KCNG1: variants seen among roughly 807,000 people sequenced by gnomAD.
KCNG1 encodes the protein potassium voltage-gated channel modifier subfamily G member 1, also known as voltage-gated potassium channel regulatory subunit KCNG1.
A neutral mutation model predicts 32.4 loss-of-function variants in KCNG1; 17 were observed. The observed-to-expected ratio is 0.52, with a 90% CI of 0.36 to 0.79. KCNG1 has a LOEUF of 0.79. Ranked by LOEUF, KCNG1 falls within the 30% of genes least tolerant of loss-of-function variation. The pLI, the probability that KCNG1 is intolerant of heterozygous loss-of-function variation, is 0.00. For synonymous variants in KCNG1, 358 were observed against 339.9 expected (o/e 1.05, Z -0.59); for missense variants, 441 against 735.2 (o/e 0.60, Z 4.63).
intron 1 of KCNG1, among the ~76,000 whole-genome samples, chr20:51,022,408 A>G (rs1353522071): frequency 1.3e-5 from 2 of 152,144 alleles, no homozygotes; most frequent in African/African-American, 4.8e-5. Context: ...TGTGTTCATA[A>G]TGAATGACTC....
chr20:51,008,785 C>T (rs1987939050), intron 2 of KCNG1, among the ~76,000 whole-genome samples: 1 of 152,156 alleles, frequency 6.6e-6, no homozygotes. Context: ...CCCCAAGCTG[C>T]CACGTGGACA....
chr20:51,008,711 C>A (rs528541723), intron 2 of KCNG1, among the ~76,000 whole-genome samples: 1 of 151,966 alleles, frequency 6.6e-6, no homozygotes, highest in Non-Finnish European at 1.5e-5. Flanking sequence ...TGTTGGCAAC[C>A]AAGTCAAATT....
chr20:51,004,866 GA>G lies in KCNG1; in HGVS notation c.775-61del, dbSNP rs1987767123. The G allele has an allele frequency of 6.9e-7, 1 of 1,449,264 alleles. No homozygotes were observed. The highest frequency in any genetic ancestry group is 2.5e-5 in the East Asian group (1 of 40,266). The allele number at this position is 1,449,264 out of a possible 1,614,324, so 89.8% of individuals were successfully genotyped here. ...GCGGGCCCTCCAGGAAAGGAGGGCAGAAGCTCTGCCCTGTGCCCTGCTGGGC... is the reference window on the plus strand; with the variant it reads ...GCGGGCCCTCCAGGAAAGGAGGGCAGAGCTCTGCCCTGTGCCCTGCTGGGC... On this transcript the variant is annotated intron_variant, in intron 2 of 2. Transcript: ENST00000371571. This position sits in a 1 kb window ranked among gnomAD's most constrained non-coding sequence, Gnocchi z 4.3.
intron 1 of KCNG1, among the ~76,000 whole-genome samples, chr20:51,021,437 A>G (rs6096232): frequency 0.09 from 13,733 of 152,218 alleles, 805 homozygotes; most frequent in East Asian, 0.22. Context: ...CAAGGCCCCA[A>G]TCAGCAGTGC....
chr20:51,010,379 G>A lies in KCNG1; in HGVS notation c.-26-15C>T, dbSNP rs747276803. 4.2e-5 allele frequency: 62 copies of A among 1,485,174 alleles called. No homozygotes were observed. The highest frequency in any genetic ancestry group is 9.8e-5 in the African/African-American group (7 of 71,280). 92.0% of individuals were successfully genotyped at this position (1,485,174 alleles called of 1,614,324 possible). On this transcript the variant is annotated splice_polypyrimidine_tract_variant and intron_variant, in intron 1 of 2. Transcript: ENST00000371571. ...CCCTCTCGGGCCTGTGGGGAGAAGGGAGGGAAGACCCTCAGTGACCACCCC... is the reference window on the plus strand; with the variant it reads ...CCCTCTCGGGCCTGTGGGGAGAAGGAAGGGAAGACCCTCAGTGACCACCCC...
At chr20:51,013,925 C>T (rs964871057) in intron 1 of KCNG1, 1 of 152,226 alleles carries the variant, frequency 6.6e-6, no homozygotes, top group Non-Finnish European at 1.5e-5. Context: ...ATGCCTCACA[C>T]AAGCCCTGGA....
chr20:51,013,642 G>T (rs555751143), intron 1 of KCNG1: 1 of 152,286 alleles, frequency 6.6e-6, no homozygotes, highest in South Asian at 2.1e-4. Flanking sequence ...TACAATTGCA[G>T]AGATCAGGGT....
In KCNG1 at chr20:51,004,600, C is replaced by T. The variant is rs774257590; in HGVS notation, c.981G>A (p.Lys327=). 2 of 1,581,732 alleles carry T rather than the reference C, an allele frequency of 1.3e-6. No homozygotes were observed. Among genetic ancestry groups the T allele is most frequent in the East Asian group, 2.3e-5 (1 of 43,122 alleles). The change falls in exon 3 of 3, where the codon AAG becomes AAA. Residue 327 remains lysine, a synonymous_variant. Coordinates refer to ENST00000371571, the MANE Select transcript of KCNG1 (RefSeq NM_002237.4). The surrounding 1 kb of genome is among the most constrained non-coding windows in gnomAD (Gnocchi z 4.3). ...LVDGAAAGRR[K]PGAGNSYLDK... The stretch of plus-strand genomic sequence containing the variant: ...CCAGGTAGCTGTTGCCCGCGCCGGG[C>T]TTGCGACGGCCTGCGGCGGCGCCGT...
rs1274126716 is a variant in KCNG1 at position 51,003,937 on chromosome 20, A to G, written c.*102T>C. On this transcript the variant is annotated 3_prime_UTR_variant, in exon 3 of 3. Transcript: ENST00000371571. ...GGTGCGTGGGAGTCGGTGCTGCGCC[A>G]GGACTGCACTCGGAAGCGGCCTGTC... 7.5e-7 allele frequency: 1 copy of G among 1,340,124 alleles called. No individual in the cohort carries two copies. The highest frequency in any genetic ancestry group is 1.4e-5 in the African/African-American group (1 of 69,462). The allele number at this position is 1,340,124 out of a possible 1,614,324, so 83.0% of individuals were successfully genotyped here. A position where few individuals can be genotyped will look rare whatever the true frequency, so the allele number is the denominator to read the frequency against.
rs59764854 is a variant in KCNG1, at chr20:51,021,160, G to C, written c.-27+1710C>G. On this transcript the variant is annotated intron_variant, in intron 1 of 2. Coordinates refer to ENST00000371571, the MANE Select transcript of KCNG1 (RefSeq NM_002237.4). ...GAACCTAGGTTGCCTCGTTTCCAGTGTGCTTGCAGTTCCCTGCAGGTTAGG... is the reference window on the plus strand; with the variant it reads ...GAACCTAGGTTGCCTCGTTTCCAGTCTGCTTGCAGTTCCCTGCAGGTTAGG... Among the ~76,000 whole-genome samples the C allele has an allele frequency of 4.1e-3, 632 of 152,358 alleles. 5 individuals carry two copies. Among genetic ancestry groups the C allele is most frequent in the African/African-American group, 0.013 (549 of 41,578 alleles).
intron 2 of KCNG1, among the ~76,000 whole-genome samples, chr20:51,008,197 C>T (rs1234293642): frequency 1.3e-5 from 2 of 152,218 alleles, no homozygotes; most frequent in African/African-American, 4.8e-5. Flanking sequence ...GGCCCATGAT[C>T]TCATACACAA....
At position 51,005,976 on chromosome 20, in the gene KCNG1, C is replaced by T. The variant is rs1054889842; in HGVS notation, c.775-1170G>A. On this transcript the variant is annotated intron_variant, in intron 2 of 2. Transcript: ENST00000371571. The surrounding 1 kb of genome is among the most constrained non-coding windows in gnomAD (Gnocchi z 4.0). ...CTTCCTCTGGGAAGCTTTCCTGGAG[C>T]GTGCCCCACTAAGTAGCTCCAGCAG... 1 of 152,094 alleles carries T rather than the reference C, an allele frequency of 6.6e-6. No homozygotes were observed. Among genetic ancestry groups the T allele is most frequent in the Non-Finnish European group, 1.5e-5 (1 of 68,014 alleles). 9.4% of individuals were successfully genotyped at this position (152,094 alleles called of 1,614,324 possible). A position where few individuals can be genotyped will look rare whatever the true frequency, so the allele number is the denominator to read the frequency against.
At chr20:51,017,064 T>G (rs1988305374) in intron 1 of KCNG1, among the ~76,000 whole-genome samples, 1 of 152,214 alleles carries the variant, frequency 6.6e-6, no homozygotes, top group East Asian at 1.9e-4. Flanking sequence ...AATCCTTCAC[T>G]CAGGGTTTGC....
chr20:51,015,827 G>T lies in KCNG1; in HGVS notation c.-26-5463C>A, dbSNP rs1988262555. On this transcript the variant is annotated intron_variant, in intron 1 of 2. Transcript: ENST00000371571. The surrounding 1 kb of genome is among the most constrained non-coding windows in gnomAD (Gnocchi z 4.4). Reference sequence around the variant, plus strand: ...TGGGTGGGCCCAGTGTAATCAACAGGGTCCTTATTTGTGGAAAAAGAAAGC... The same window carrying T: ...TGGGTGGGCCCAGTGTAATCAACAGTGTCCTTATTTGTGGAAAAAGAAAGC... Among the ~76,000 whole-genome samples the T allele has an allele frequency of 6.6e-6, 1 of 152,166 alleles. No homozygotes were observed. Among genetic ancestry groups the T allele is most frequent in the South Asian group, 2.1e-4 (1 of 4,834 alleles).
chr20:51,020,027 G>T (rs144981696), intron 1 of KCNG1, among the ~76,000 whole-genome samples: 24 of 152,236 alleles, frequency 1.6e-4, no homozygotes, highest in African/African-American at 5.8e-4. Flanking sequence ...TGAAAGCTGG[G>T]GCCCAAGTTC....
Position 51,009,603 on chromosome 20 carries a change from C to T in KCNG1, c.736G>A (p.Val246Ile), listed in dbSNP as rs1987977832. The T allele has an allele frequency of 1.2e-6, 2 of 1,610,058 alleles. No homozygotes were observed. Among genetic ancestry groups the T allele is most frequent in the South Asian group, 1.1e-5 (1 of 90,550 alleles). Residue 246 changes from valine (V) to isoleucine (I), a missense_variant, in exon 2 of 3, where the codon GTC becomes ATC. Transcript: ENST00000371571. ...FVTVTAVNLS[V>I]STLPSLREEE... ...TCCCTCAGGCTGGGCAAGGTGCTGACGGAGAGGTTGACGGCGGTGACGGTC... is the reference window on the plus strand; with the variant it reads ...TCCCTCAGGCTGGGCAAGGTGCTGATGGAGAGGTTGACGGCGGTGACGGTC...
chr20:51,010,156 G>T lies in KCNG1; in HGVS notation c.183C>A (p.Arg61=). Residue 61 remains arginine (R), a synonymous_variant, in exon 2 of 3, where the codon CGC becomes CGA. Transcript: ENST00000371571. The part of the protein sequence containing the change: ...EPRQGCQPED[R]RRRIIINVGG... Reference sequence around the variant, plus strand: ...CTACGTTGATGATGATCCGACGGCGGCGGTCCTCGGGCTGACAGCCCTGGC... The same window carrying T: ...CTACGTTGATGATGATCCGACGGCGTCGGTCCTCGGGCTGACAGCCCTGGC... 1 of 1,610,150 alleles carries T rather than the reference G, an allele frequency of 6.2e-7. No individual in the cohort carries two copies.
At chr20:51,013,926 A>T (rs1263791771) in intron 1 of KCNG1, 1 of 152,148 alleles carries the variant, frequency 6.6e-6, no homozygotes, top group African/African-American at 2.4e-5. Context: ...TGCCTCACAC[A>T]AGCCCTGGAG....
intron 2 of KCNG1, chr20:51,007,272 A>G (rs923528470): frequency 1.3e-5 from 2 of 150,962 alleles, no homozygotes; most frequent in Non-Finnish European, 1.5e-5. Context: ...TGCAACCTCC[A>G]CCTCCCAGAT....
Sources: allele counts gnomAD v4.1 joint callset (sites outside exome capture counted in the v4.1 genomes callset), GRCh38; gene constraint gnomAD v4.1.1; non-coding constraint Gnocchi (gnomAD v3.1); transcripts MANE v1.5; gene names NCBI Gene and HGNC (gene_info 2026-07-23, HGNC 2026-07-21).